Variants in ELAVL2 observed in about 807,000 individuals in gnomAD.
ELAVL2 encodes ELAV like RNA binding protein 2.
Under a neutral mutation model 34.6 loss-of-function variants are expected in ELAVL2, and 4 were observed. That is an observed-to-expected ratio of 0.12 (90% CI 0.06 to 0.26). The LOEUF (loss-of-function observed/expected upper bound fraction) is 0.26, where lower values mean the gene tolerates loss of function less well. Among genes scored for constraint, ELAVL2 ranks in the 10% least tolerant of loss-of-function variants. The pLI is 1.00. For synonymous variants in ELAVL2, 193 were observed against 154.8 expected, an observed-to-expected ratio of 1.25 and a Z score of -1.83; for missense variants, 432 against 442.8, an observed-to-expected ratio of 0.98 and a Z score of 0.22.
At chr9:23,824,542 A>G (rs570228715) in intron 1 of ELAVL2, among the ~76,000 whole-genome samples, 20 of 152,168 alleles carry the variant, frequency 1.3e-4, no homozygotes, top group African/African-American at 4.6e-4. Flanking sequence ...CGAGCACCAC[A>G]TGAGCGCTCT....
At chr9:23,784,255 C>CT (rs2136950474) in intron 1 of ELAVL2, among the ~76,000 whole-genome samples, 1 of 152,156 alleles carries the variant, frequency 6.6e-6, no homozygotes, top group South Asian at 2.1e-4. Context: ...AAGACAGGTA[C>CT]TAAGGGAACT....
intron 1 of ELAVL2, among the ~76,000 whole-genome samples, chr9:23,795,857 T>A (rs1361969788): frequency 6.6e-6 from 1 of 152,194 alleles, no homozygotes; most frequent in Non-Finnish European, 1.5e-5. Context: ...AAATAATTTC[T>A]AAGAGCTAAA....
chr9:23,749,762 A>G lies in ELAVL2; in HGVS notation c.229+12244T>C, dbSNP rs111266997. On this transcript the variant is annotated intron_variant, in intron 2 of 6. Transcript: ENST00000397312. ...AAGAAGAGAGAAGTGGGACTTTACC[A>G]AGCTTTCAGAAAAGGCTTCTCCATC... Among the ~76,000 whole-genome samples, 513 of 152,224 alleles carry G rather than the reference A, an allele frequency of 3.4e-3. 2 individuals are homozygous for G. Among genetic ancestry groups the G allele is most frequent in the Non-Finnish European group, 4.1e-3 (278 of 67,994 alleles).
chr9:23,755,207 C>G (rs1370108746), intron 2 of ELAVL2, among the ~76,000 whole-genome samples: 1 of 152,202 alleles, frequency 6.6e-6, no homozygotes, highest in Admixed American at 6.6e-5. Flanking sequence ...AGGTACTAAA[C>G]AAAAGAGGAC....
chr9:23,811,930 G>A (rs139599567), intron 1 of ELAVL2, among the ~76,000 whole-genome samples: 41 of 152,186 alleles, frequency 2.7e-4, no homozygotes, highest in African/African-American at 7.9e-4. Context: ...TGGGAGGAAC[G>A]GGGGAGGGAA....
intron 1 of ELAVL2, among the ~76,000 whole-genome samples, chr9:23,779,888 T>C (rs1033639377): frequency 6.6e-6 from 1 of 151,328 alleles, no homozygotes; most frequent in Non-Finnish European, 1.5e-5. Context: ...AAATTATTCC[T>C]TATCAACTGC....
chr9:23,806,643 A>G (rs2062258278), intron 1 of ELAVL2, among the ~76,000 whole-genome samples: 1 of 152,156 alleles, frequency 6.6e-6, no homozygotes, highest in South Asian at 2.1e-4. Flanking sequence ...CAGTAATAAG[A>G]CAATAAGACC....
intron 2 of ELAVL2, 34 bp downstream of exon 2, chr9:23,761,972 G>T: frequency 6.3e-7 from 1 of 1,580,924 alleles, no homozygotes; most frequent in South Asian, 1.2e-5. Flanking sequence ...GACACGATCC[G>T]TTAAATATAA....
chr9:23,777,179 T>G (rs2058344935), intron 1 of ELAVL2, among the ~76,000 whole-genome samples: 1 of 152,188 alleles, frequency 6.6e-6, no homozygotes, highest in Non-Finnish European at 1.5e-5. Flanking sequence ...TCTACAGCAG[T>G]TAGGACTGCA....
At chr9:23,765,084 A>C in intron 1 of ELAVL2, 2 of 1,603,744 alleles carry the variant, frequency 1.2e-6, no homozygotes, top group Non-Finnish European at 1.7e-6. Context: ...CTGCCATGTT[A>C]GTTTGGAGTT....
intron 3 of ELAVL2, among the ~76,000 whole-genome samples, chr9:23,715,813 A>G (rs1022684337): frequency 1.3e-5 from 2 of 152,140 alleles, no homozygotes; most frequent in East Asian, 3.9e-4. Context: ...AAGAAGGACT[A>G]CACACTGGCT....
At chr9:23,795,198 AT>A (rs1215379398) in intron 1 of ELAVL2, among the ~76,000 whole-genome samples, 1 of 152,152 alleles carries the variant, frequency 6.6e-6, no homozygotes, top group Non-Finnish European at 1.5e-5. Flanking sequence ...GTTTGTTTAT[AT>A]TTTATATAAG....
intron 1 of ELAVL2, among the ~76,000 whole-genome samples, chr9:23,808,274 T>C (rs1477784287): frequency 6.6e-6 from 1 of 152,196 alleles, no homozygotes; most frequent in Non-Finnish European, 1.5e-5. Context: ...CACAATTATA[T>C]GTAATAATTT....
At chr9:23,841,362 C>G in the ELAVL2 span, among the ~76,000 whole-genome samples, 3 of 152,096 alleles carry the variant, frequency 2.0e-5, no homozygotes, top group Admixed American at 6.6e-5. Context: ...GATTTATACC[C>G]TGGCATATCT....
intron 3 of ELAVL2, among the ~76,000 whole-genome samples, chr9:23,726,185 A>G (rs2134280333): frequency 6.6e-6 from 1 of 152,264 alleles, no homozygotes; most frequent in African/African-American, 2.4e-5. Context: ...CTTAGAATAC[A>G]GGTTTCTTAG....
rs1037762060 is a variant in ELAVL2 at position 23,781,535 on chromosome 9, G to A, written c.-15-19286C>T. Among the ~76,000 whole-genome samples the A allele has an allele frequency of 2.7e-4, 18 of 65,936 alleles. No individual in the cohort carries two copies. In the Middle Eastern group the frequency reaches 0.036, roughly 131 times the overall value. The allele number at this position is 65,936 out of a possible 152,430, so 43.3% of individuals were successfully genotyped here. ...TTTCTTTCCTTTTTTTTTTTTTTTT[G>A]AAGATAGGTTCTAATTCTGTCACCA... On this transcript the variant is annotated intron_variant, in intron 1 of 6. Coordinates refer to ENST00000397312, the MANE Select transcript of ELAVL2 (RefSeq NM_004432.5).
intron 3 of ELAVL2, among the ~76,000 whole-genome samples, chr9:23,706,981 G>A (rs2133440849): frequency 6.6e-6 from 1 of 152,272 alleles, no homozygotes; most frequent in South Asian, 2.1e-4. Flanking sequence ...ATTAACAAGT[G>A]AAAATATACC....
chr9:23,728,532 G>A (rs1564120435), intron 3 of ELAVL2, among the ~76,000 whole-genome samples: 1 of 152,080 alleles, frequency 6.6e-6, no homozygotes, highest in East Asian at 1.9e-4. Context: ...AAACACCATA[G>A]AGTTTTGAGT....
At position 23,692,779 on chromosome 9, in the gene ELAVL2, G is replaced by C. The variant is rs142761114; in HGVS notation, c.858C>G (p.Asp286Glu). Reference sequence around the variant, plus strand: ...TTTGCCACAGGATACTCTCATCTGCGTCAGGAGCCAGGTTGTACACAAATA... The same window carrying C: ...TTTGCCACAGGATACTCTCATCTGCCTCAGGAGCCAGGTTGTACACAAATA... ...WCIFVYNLAPDADESILWQMF... is the reference protein window; with the variant it reads ...WCIFVYNLAPEADESILWQMF... Residue 286 changes from aspartate (D) to glutamate (E), a missense_variant, in exon 7 of 7, where the codon GAC (aspartate) becomes GAG (glutamate). Transcript: ENST00000397312. 5 of 1,614,026 alleles carry C rather than the reference G, an allele frequency of 3.1e-6. No homozygotes were observed. The highest frequency in any genetic ancestry group is 4.2e-6 in the Non-Finnish European group (5 of 1,180,014).
Sources: gnomAD v4.1 joint callset for allele counts (sites outside exome capture counted in the v4.1 genomes callset) on GRCh38, gnomAD v4.1.1 for gene constraint, MANE v1.5 for transcripts, NCBI Gene and HGNC (gene_info 2026-07-23, HGNC 2026-07-21) for gene names.